Variants in NAALADL2 observed in about 807,000 individuals in gnomAD.
NAALADL2 encodes N-acetylated alpha-linked acidic dipeptidase like 2.
Under a neutral mutation model 87.2 loss-of-function variants are expected in NAALADL2, and 76 were observed. That is an observed-to-expected ratio of 0.87 (90% confidence interval 0.72 to 1.05). The LOEUF (loss-of-function observed/expected upper bound fraction) is 1.05, where lower values mean the gene tolerates loss of function less well. Ranked by LOEUF, NAALADL2 falls within the 50% of genes least tolerant of loss-of-function variation. NAALADL2 has a pLI of 0.00. For synonymous variants in NAALADL2, 354 were observed against 331.0 expected (o/e 1.07, Z -0.75); for missense variants, 1,089 against 945.8 (o/e 1.15, Z -1.99).
chr3:174,556,112 A>C (rs186482970), intron 2 of NAALADL2, among the ~76,000 whole-genome samples: 58 of 152,170 alleles, frequency 3.8e-4, no homozygotes, highest in South Asian at 1.9e-3. Flanking sequence ...TTTTAATATC[A>C]CACGAATTTA....
intron 5 of NAALADL2, among the ~76,000 whole-genome samples, chr3:175,439,149 A>G (rs1719261657): frequency 3.9e-5 from 6 of 152,112 alleles, no homozygotes; most frequent in African/African-American, 1.4e-4. Context: ...ATGATCTCCA[A>G]TTCCATCCCG....
At chr3:175,397,833 T>C (rs938833046) in intron 5 of NAALADL2, among the ~76,000 whole-genome samples, 1 of 152,158 alleles carries the variant, frequency 6.6e-6, no homozygotes, top group Non-Finnish European at 1.5e-5. Context: ...AGAGAAGTGA[T>C]GCATTAATTT....
intron 4 of NAALADL2, among the ~76,000 whole-genome samples, chr3:175,323,898 G>T (rs1760306280): frequency 6.6e-6 from 1 of 151,202 alleles, no homozygotes. Flanking sequence ...GGCGCCTGTG[G>T]TCCCAGCTAC....
intron 1 of NAALADL2, among the ~76,000 whole-genome samples, chr3:175,008,654 G>A (rs7637033): frequency 0.11 from 17,396 of 151,988 alleles, 1,645 homozygotes; most frequent in African/African-American, 0.27. Context: ...CAGTGGTGGT[G>A]GCTTTGTGTT....
intron 2 of NAALADL2, among the ~76,000 whole-genome samples, chr3:175,111,278 A>G (rs1724147624): frequency 6.6e-6 from 1 of 151,762 alleles, no homozygotes; most frequent in Non-Finnish European, 1.5e-5. Context: ...TTAGCAGAAA[A>G]TCAAACACAC....
At chr3:174,655,386 A>G (rs1272180588) in intron 2 of NAALADL2, among the ~76,000 whole-genome samples, 2 of 151,336 alleles carry the variant, frequency 1.3e-5, no homozygotes. Context: ...TACATGAACA[A>G]CAGTCATTTA....
chr3:174,575,098 A>C (rs2108544901), intron 2 of NAALADL2, among the ~76,000 whole-genome samples: 2 of 152,228 alleles, frequency 1.3e-5, no homozygotes, highest in South Asian at 4.1e-4. Flanking sequence ...CAATGGTTTT[A>C]ACAAAGTGAT....
In NAALADL2 at chr3:175,665,635, T is replaced by TA. The variant is rs539239238; in HGVS notation, c.1896+38257dup. Among the ~76,000 whole-genome samples, 28 of 152,032 alleles carry TA rather than the reference T, an allele frequency of 1.8e-4. No homozygotes were observed. The East Asian group carries it at 2.3e-3, about 13-fold the overall frequency. On this transcript the variant is annotated intron_variant, in intron 11 of 13. Transcript: ENST00000454872. ...GTTCATTATGATAGCATCTTAACAT[T>TA]AAAAAAAATGTTTTAGGCTGGGCGC...
At chr3:174,982,899 G>A (rs960305785) in intron 1 of NAALADL2, among the ~76,000 whole-genome samples, 2 of 152,044 alleles carry the variant, frequency 1.3e-5, no homozygotes, top group African/African-American at 2.4e-5. Flanking sequence ...CTGGGTTCAC[G>A]CCATTCTCCT....
At chr3:174,784,914 T>C (rs1045781440) in intron 3 of NAALADL2, among the ~76,000 whole-genome samples, 5 of 152,212 alleles carry the variant, frequency 3.3e-5, no homozygotes, top group South Asian at 4.1e-4. Flanking sequence ...TCATTTAATA[T>C]TTTCAGACTG....
intron 2 of NAALADL2, among the ~76,000 whole-genome samples, chr3:174,728,615 C>T (rs1193744052): frequency 6.6e-6 from 1 of 151,850 alleles, no homozygotes; most frequent in Non-Finnish European, 1.5e-5. Context: ...GATTTTTAGT[C>T]CTCAATATAA....
intron 3 of NAALADL2, among the ~76,000 whole-genome samples, chr3:175,236,548 C>CAA (rs34787558): frequency 3.5e-4 from 35 of 98,938 alleles, no homozygotes; most frequent in Admixed American, 1.6e-3. Flanking sequence ...AACTCCTTCT[C>CAA]AAAAAAAAAA....
intron 5 of NAALADL2, among the ~76,000 whole-genome samples, chr3:175,356,866 G>A (rs867470973): frequency 4.6e-5 from 7 of 152,050 alleles, no homozygotes; most frequent in Admixed American, 1.3e-4. Flanking sequence ...GTTGACATGT[G>A]AAAGAGGTCT....
chr3:174,618,105 T>C (rs1040314613), intron 2 of NAALADL2, among the ~76,000 whole-genome samples: 6 of 151,738 alleles, frequency 4.0e-5, no homozygotes, highest in African/African-American at 1.4e-4. Context: ...CTTGGATGCC[T>C]TTTAAGAATG....
intron 1 of NAALADL2, among the ~76,000 whole-genome samples, chr3:174,473,658 A>G (rs1270371347): frequency 4.6e-5 from 7 of 152,146 alleles, no homozygotes; most frequent in Non-Finnish European, 1.0e-4. Flanking sequence ...GAAAGTTGGA[A>G]GGTCTTTTTT....
chr3:175,409,888 A>G (rs998509788), intron 5 of NAALADL2, among the ~76,000 whole-genome samples: 2 of 152,082 alleles, frequency 1.3e-5, no homozygotes, highest in Non-Finnish European at 2.9e-5. Flanking sequence ...CACAAAGTCC[A>G]AAGTTTTAAA....
chr3:175,699,324 A>G (rs1738648995), intron 11 of NAALADL2, among the ~76,000 whole-genome samples: 1 of 151,958 alleles, frequency 6.6e-6, no homozygotes, highest in South Asian at 2.1e-4. Flanking sequence ...TTGTTTTCCT[A>G]TTATCCATAT....
intron 2 of NAALADL2, among the ~76,000 whole-genome samples, chr3:174,579,407 C>T (rs115482292): frequency 6.6e-4 from 101 of 151,964 alleles, no homozygotes; most frequent in African/African-American, 2.4e-3. Context: ...ACAAGTAACA[C>T]GTAGGTGAAT....
intron 2 of NAALADL2, among the ~76,000 whole-genome samples, chr3:175,221,616 CCT>C (rs1216114147): frequency 2.0e-5 from 3 of 151,976 alleles, no homozygotes; most frequent in African/African-American, 7.2e-5. Context: ...AGTTGTGAAA[CCT>C]CTCTTATTTA....
Sources: allele counts gnomAD v4.1 joint callset (sites outside exome capture counted in the v4.1 genomes callset), GRCh38; gene constraint gnomAD v4.1.1; transcripts MANE v1.5; gene names NCBI Gene and HGNC (gene_info 2026-07-23, HGNC 2026-07-21).